Variants in LIPK observed in about 807,000 individuals in gnomAD.
The protein encoded by LIPK is lipase member K.
LIPK carries 32 observed loss-of-function variants against 48.6 expected under a neutral mutation model. The ratio of observed to expected loss-of-function variants is 0.66; its 90% CI spans 0.50 to 0.88. LIPK has a LOEUF of 0.88. Among genes scored for constraint, LIPK ranks in the 40% least tolerant of loss-of-function variants. The pLI, the probability that LIPK is intolerant of heterozygous loss-of-function variation, is 0.00. For missense variants in LIPK, 507 were observed against 478.5 expected, an observed-to-expected ratio of 1.06 and a Z score of -0.56; for synonymous variants, 164 against 157.4, an observed-to-expected ratio of 1.04 and a Z score of -0.32.
At chr10:88,737,510 T>A (rs1291003099) in intron 6 of LIPK, 125 bp from the exon 7 acceptor site, 19 of 928,390 alleles carry the variant, frequency 2.0e-5, no homozygotes, top group Admixed American at 5.3e-5. Context: ...GCCTCATGAT[T>A]TCACTAAGGA....
intron 6 of LIPK, among the ~76,000 whole-genome samples, chr10:88,737,083 C>T (rs908288564): frequency 6.6e-5 from 10 of 152,096 alleles, no homozygotes; most frequent in African/African-American, 2.2e-4. Flanking sequence ...TCATAGAATT[C>T]ATTGAAGGAT....
chr10:88,723,288 G>A lies in LIPK; in HGVS notation c.-11-1245G>A, dbSNP rs574956644. ...AGGTGCTCAATACATAGTTATAAGA[G>A]CAGTTATGACAGCAATAATAATTAT... On this transcript the variant is annotated intron_variant, in intron 1 of 9. Transcript: ENST00000404190. Among the ~76,000 whole-genome samples the A allele has an allele frequency of 2.0e-5, 3 of 152,144 alleles. No individual in the cohort carries two copies. In the South Asian group the frequency reaches 6.2e-4, roughly 32 times the overall value.
intron 2 of LIPK, among the ~76,000 whole-genome samples, chr10:88,725,967 G>T (rs1451559172): frequency 4.6e-5 from 7 of 152,196 alleles, no homozygotes; most frequent in Non-Finnish European, 1.0e-4. Flanking sequence ...GGCCAGTAAG[G>T]TTTCATTTTT....
intron 9 of LIPK, among the ~76,000 whole-genome samples, chr10:88,751,009 G>A (rs1165862869): frequency 2.0e-5 from 3 of 152,014 alleles, no homozygotes; most frequent in South Asian, 4.2e-4. Flanking sequence ...AGTTCTTTAG[G>A]ATGTCATTTA....
intron 7 of LIPK, among the ~76,000 whole-genome samples, chr10:88,738,882 G>A (rs1012053148): frequency 6.6e-6 from 1 of 152,124 alleles, no homozygotes; most frequent in Admixed American, 6.5e-5. Flanking sequence ...ATAGCCAGGG[G>A]TACATAAGTA....
intron 3 of LIPK, among the ~76,000 whole-genome samples, chr10:88,730,728 A>G (rs942517540): frequency 6.6e-6 from 1 of 152,236 alleles, no homozygotes; most frequent in Non-Finnish European, 1.5e-5. Flanking sequence ...GGGATTTTGA[A>G]CTAGGGCAAA....
intron 9 of LIPK, among the ~76,000 whole-genome samples, chr10:88,743,671 T>C (rs1842720770): frequency 6.6e-6 from 1 of 151,626 alleles, no homozygotes; most frequent in Non-Finnish European, 1.5e-5. Flanking sequence ...ATCAAGAAGA[T>C]TGGAACACTC....
intron 7 of LIPK, among the ~76,000 whole-genome samples, chr10:88,739,574 C>T (rs1769700): frequency 6.6e-6 from 1 of 151,988 alleles, no homozygotes; most frequent in Non-Finnish European, 1.5e-5. Context: ...AGGGAAAAGA[C>T]GCCAGGTGCA....
chr10:88,726,271 C>T (rs1842335910), intron 2 of LIPK, among the ~76,000 whole-genome samples: 1 of 152,342 alleles, frequency 6.6e-6, no homozygotes, highest in East Asian at 1.9e-4. Context: ...TGTAGGGTCA[C>T]CCCACCCAGA....
Position 88,752,569 on chromosome 10 carries a change from G to A in LIPK, c.1013G>A (p.Trp338Ter). The A allele has an allele frequency of 6.4e-7, 1 of 1,570,020 alleles. No individual in the cohort carries two copies. Among genetic ancestry groups the A allele is most frequent in the Non-Finnish European group, 8.7e-7 (1 of 1,154,350 alleles). Residue 338 changes from tryptophan to a stop codon, truncating the protein, a stop_gained, in exon 10 of 10, where the codon TGG becomes TAG. Coordinates refer to ENST00000404190, the MANE Select transcript of LIPK (RefSeq NM_001080518.2). LOFTEE classifies it high-confidence loss of function. The part of the protein sequence containing the change: ...ITKMEVPTAI[W>*]NGGQDIVADP... ...AAGATGGAAGTTCCAACAGCAATAT[G>A]GAATGGTGGACAGGACATTGTGGCT...
chr10:88,749,053 T>C (rs753138025), intron 9 of LIPK, among the ~76,000 whole-genome samples: 152 of 152,270 alleles, frequency 1.0e-3, no homozygotes, highest in Non-Finnish European at 2.2e-4. Flanking sequence ...AAAATGTGAA[T>C]ACAGCTAATC....
intron 1 of LIPK, among the ~76,000 whole-genome samples, chr10:88,706,918 T>C (rs899607064): frequency 6.6e-6 from 1 of 152,116 alleles, no homozygotes; most frequent in African/African-American, 2.4e-5. Context: ...GAAAATGTGG[T>C]TCACATTAAT....
At chr10:88,722,816 C>T (rs747178266) in intron 1 of LIPK, among the ~76,000 whole-genome samples, 2 of 151,472 alleles carry the variant, frequency 1.3e-5, no homozygotes, top group South Asian at 2.1e-4. Flanking sequence ...TTGTAAGACC[C>T]AGTTTTATTT....
intron 8 of LIPK, among the ~76,000 whole-genome samples, chr10:88,742,079 G>GA (rs1564569701): frequency 6.6e-6 from 1 of 152,162 alleles, no homozygotes. Context: ...CACAAAGTGG[G>GA]AAGTGCCACA....
chr10:88,723,035 C>A (rs1842262749), intron 1 of LIPK, among the ~76,000 whole-genome samples: 1 of 151,834 alleles, frequency 6.6e-6, no homozygotes, highest in Non-Finnish European at 1.5e-5. Flanking sequence ...CAGGTGCATG[C>A]CACCATGGCT....
intron 2 of LIPK, among the ~76,000 whole-genome samples, chr10:88,725,606 T>A (rs1288925933): frequency 3.9e-5 from 6 of 152,248 alleles, no homozygotes; most frequent in African/African-American, 1.4e-4. Flanking sequence ...GCATTAATCT[T>A]TTTATCTCTT....
In LIPK at chr10:88,724,599, GT is replaced by G; in HGVS notation, c.58del (p.Tyr20MetfsTer14). 1 of 1,607,920 alleles carries G rather than the reference GT, an allele frequency of 6.2e-7. No homozygotes were observed. The highest frequency in any genetic ancestry group is 1.1e-5 in the South Asian group (1 of 89,248). ...ATGCTTCTTCTTGGATCTATGTATGGTTATGACAAGAAAGGAAACAATGCAA... is the reference window on the plus strand; with the variant it reads ...ATGCTTCTTCTTGGATCTATGTATGGTATGACAAGAAAGGAAACAATGCAA... ...CWMLLLGSMY[G>X]YDKKGNNANP... On this transcript the variant is annotated frameshift_variant, in exon 2 of 10. Coordinates refer to ENST00000404190, the MANE Select transcript of LIPK (RefSeq NM_001080518.2). LOFTEE classifies it high-confidence loss of function.
intron 9 of LIPK, 55 bp from the exon 10 acceptor site, chr10:88,752,462 T>C: frequency 7.7e-7 from 1 of 1,306,316 alleles, no homozygotes; most frequent in Non-Finnish European, 1.1e-6. Context: ...TTAATGTTAC[T>C]TCTATAATGT....
chr10:88,752,511 A>G lies in LIPK; in HGVS notation c.961-6A>G, dbSNP rs530668038. On this transcript the variant is annotated splice_region_variant and splice_polypyrimidine_tract_variant and intron_variant, in intron 9 of 9. Transcript: ENST00000404190. ...AACTTTTCTCTCTCTCTTTTATTGTATTTAGCTTACACCTCCTTTATACAA... is the reference window on the plus strand; with the variant it reads ...AACTTTTCTCTCTCTCTTTTATTGTGTTTAGCTTACACCTCCTTTATACAA... 9.1e-6 allele frequency: 14 copies of G among 1,534,160 alleles called. No homozygotes were observed. In the African/African-American group the frequency reaches 1.6e-4, roughly 18 times the overall value.
Sources: gnomAD v4.1 joint callset for allele counts (sites outside exome capture counted in the v4.1 genomes callset) on GRCh38, gnomAD v4.1.1 for gene constraint, MANE v1.5 for transcripts, NCBI Gene and HGNC (gene_info 2026-07-23, HGNC 2026-07-21) for gene names.